DNAH17: variants seen among roughly 807,000 people sequenced by gnomAD.
The protein encoded by DNAH17 is dynein axonemal heavy chain 17.
Under a neutral mutation model 485.6 loss-of-function variants are expected in DNAH17, and 376 were observed. The observed-to-expected ratio is 0.77, with a 90% CI of 0.71 to 0.84. DNAH17 has a LOEUF of 0.84. DNAH17 is among the 40% of genes least tolerant of loss of function. The pLI is 0.00. For synonymous variants in DNAH17, 3,031 were observed against 2,405.9 expected (o/e 1.26, Z -7.60); for missense variants, 6,370 against 5,839.3 (o/e 1.09, Z -2.96).
chr17:78,479,361 C>T, intron 50 of DNAH17, 124 bp downstream of exon 50: 2 of 1,278,466 alleles, frequency 1.6e-6, no homozygotes, highest in Non-Finnish European at 2.1e-6. Context: ...AACATAGCAT[C>T]GTTTTTAAGA....
At chr17:78,429,959 G>T (rs2048754) in intron 75 of DNAH17, among the ~76,000 whole-genome samples, 3 of 152,020 alleles carry the variant, frequency 2.0e-5, no homozygotes, top group Admixed American at 1.3e-4. Flanking sequence ...TAGGCTGCCC[G>T]GGCCTTAGGG....
Position 78,532,700 on chromosome 17 carries a change from T to C in DNAH17, c.2896A>G (p.Arg966Gly). The C allele has an allele frequency of 6.3e-7, 1 of 1,593,234 alleles. No individual in the cohort carries two copies. Among genetic ancestry groups the C allele is most frequent in the African/African-American group, 1.3e-5 (1 of 74,646 alleles). ...LEDNTDLIEMREEVSSLVINA... is the reference protein window; with the variant it reads ...LEDNTDLIEMGEEVSSLVINA... The stretch of plus-strand genomic sequence containing the variant: ...ATGACCAGGCTGGACACCTCCTCCC[T>C]CATCTCTATGAGGTCTGTGTTATCT... The change falls in exon 20 of 81, where the codon AGG (arginine) becomes GGG (glycine). Residue 966 changes from arginine to glycine, a missense_variant. Transcript: ENST00000389840.
rs556614419 is a variant in DNAH17 at position 78,492,448 on chromosome 17, G to A, written c.6541+185C>T. 3.3e-5 allele frequency among the ~76,000 whole-genome samples: 5 copies of A among 152,188 alleles called. No individual in the cohort carries two copies. In the East Asian group the frequency reaches 5.8e-4, roughly 18 times the overall value. ...GCCCCCATTCCTTATCCCCCAGCCCGGGTGCTACGTGCCCACTGCTCCCCA... is the reference window on the plus strand; with the variant it reads ...GCCCCCATTCCTTATCCCCCAGCCCAGGTGCTACGTGCCCACTGCTCCCCA... On this transcript the variant is annotated intron_variant, in intron 42 of 80. Transcript: ENST00000389840.
At chr17:78,558,047 T>C in intron 14 of DNAH17, 61 bp downstream of exon 14, 1 of 1,538,752 alleles carries the variant, frequency 6.5e-7, no homozygotes, top group Non-Finnish European at 8.8e-7. Context: ...ACAAACAAAC[T>C]TGACAAAAAA....
At chr17:78,507,430 T>C (rs777679345) in intron 28 of DNAH17, 28 bp downstream of exon 28, 12 of 1,613,534 alleles carry the variant, frequency 7.4e-6, no homozygotes, top group Non-Finnish European at 1.0e-5. Flanking sequence ...ATTTCTGAAG[T>C]GCGTGGGAAC....
At chr17:78,467,350 T>A (rs1026074310) in intron 55 of DNAH17, among the ~76,000 whole-genome samples, 2 of 152,178 alleles carry the variant, frequency 1.3e-5, no homozygotes, top group African/African-American at 4.8e-5. Context: ...TTTCGTGGCA[T>A]AGGTGTTGCA....
At chr17:78,505,183 C>T (rs1468918788) in intron 31 of DNAH17, 110 bp downstream of exon 31, 3 of 1,431,148 alleles carry the variant, frequency 2.1e-6, no homozygotes, top group Non-Finnish European at 2.8e-6. Context: ...GGCGGGCTGG[C>T]AGCTGCACAG....
chr17:78,441,397 C>G (rs973250432), intron 71 of DNAH17, among the ~76,000 whole-genome samples, 198 bp from the exon 72 acceptor site: 1 of 152,110 alleles, frequency 6.6e-6, no homozygotes, highest in African/African-American at 2.4e-5. Context: ...CCTCGGGCAC[C>G]CTTTCTTTCC....
chr17:78,423,849 T>C lies in DNAH17; in HGVS notation c.*57A>G, dbSNP rs1158940834. The stretch of plus-strand genomic sequence containing the variant: ...AAAGAATAAGTCACAGGTGCACAGG[T>C]GAAGGGCTGAGTTGTGGTCCAGCCC... On this transcript the variant is annotated 3_prime_UTR_variant, in exon 81 of 81. Coordinates refer to ENST00000389840, the MANE Select transcript of DNAH17 (RefSeq NM_173628.4). 1.5e-5 allele frequency: 24 copies of C among 1,598,262 alleles called. No individual in the cohort carries two copies. Among genetic ancestry groups the C allele is most frequent in the Non-Finnish European group, 2.0e-5 (23 of 1,169,522 alleles).
intron 1 of DNAH17, 39 bp from the exon 2 acceptor site, chr17:78,575,121 G>C: frequency 7.3e-7 from 1 of 1,364,448 alleles, no homozygotes; most frequent in East Asian, 2.5e-5. Flanking sequence ...ACTGTCTCCC[G>C]GGCTCCCCAA....
At chr17:78,444,479 TG>T in intron 71 of DNAH17, 124 bp downstream of exon 71, 2 of 876,246 alleles carry the variant, frequency 2.3e-6, no homozygotes, top group Non-Finnish European at 3.3e-6. Flanking sequence ...CTGTGTAAAA[TG>T]GGGAGAAGAA....
chr17:78,526,639 G>A lies in DNAH17; in HGVS notation c.3711+12C>T, dbSNP rs771581014. The stretch of plus-strand genomic sequence containing the variant: ...AGACTTACCCCCTGATCTCACCCTT[G>A]AGCAAAAATACCTTATTCAGGGACT... On this transcript the variant is annotated intron_variant, in intron 24 of 80. Transcript: ENST00000389840. The A allele has an allele frequency of 6.3e-7, 1 of 1,589,430 alleles. No homozygotes were observed. The highest frequency in any genetic ancestry group is 1.1e-5 in the South Asian group (1 of 88,698).
At chr17:78,465,744 G>A (rs1182026193) in intron 56 of DNAH17, among the ~76,000 whole-genome samples, 14 of 149,858 alleles carry the variant, frequency 9.3e-5, no homozygotes, top group African/African-American at 2.5e-4. Flanking sequence ...CAGCCACCCC[G>A]TCCGGGAGGG....
At position 78,499,116 on chromosome 17, in the gene DNAH17, G is replaced by C. The variant is rs1216772605; in HGVS notation, c.5641-4C>G. ...CCTTGTAGATATTTCCACAGGACTG[G>C]AAAGGGCGAGATGGAGAAAGGAAGA... On this transcript the variant is annotated splice_region_variant and splice_polypyrimidine_tract_variant and intron_variant, in intron 36 of 80. Coordinates refer to ENST00000389840, the MANE Select transcript of DNAH17 (RefSeq NM_173628.4). The C allele has an allele frequency of 1.9e-6, 3 of 1,576,878 alleles. No homozygotes were observed. The highest frequency in any genetic ancestry group is 2.4e-5 in the East Asian group (1 of 42,536).
chr17:78,530,475 T>A lies in DNAH17; in HGVS notation c.3152A>T (p.Lys1051Met). Residue 1051 changes from lysine to methionine, a missense_variant, in exon 21 of 81, where the codon AAG becomes ATG. Transcript: ENST00000389840. The part of the protein sequence containing the change: ...SYEKLYEEVS[K>M]CENTKVFHGW... ...GTGGAACACCTTGGTGTTCTCGCAC[T>A]TGGACACCTCCTCATACAGCTTCTC... 2.5e-6 allele frequency: 4 copies of A among 1,612,934 alleles called. No individual in the cohort carries two copies. The highest frequency in any genetic ancestry group is 2.5e-6 in the Non-Finnish European group (3 of 1,179,252).
chr17:78,442,170 C>T (rs760653600), intron 71 of DNAH17, among the ~76,000 whole-genome samples: 5 of 152,170 alleles, frequency 3.3e-5, no homozygotes, highest in South Asian at 2.1e-4. Context: ...GAGAACTGCT[C>T]GTCCCTGGGC....
rs2090234014 is a variant in DNAH17, at chr17:78,500,313, C to T, written c.5632G>A (p.Asp1878Asn). ...GGACCCCGGCCGCGTACCTTGTAGT[C>T]CATCTGCTCGGAGCAGTTGAAGACG... The part of the protein sequence containing the change: ...VYVFNCSEQM[D>N]YKSCGNIYKG... The change falls in exon 36 of 81, where the codon GAC (aspartate) becomes AAC (asparagine). Residue 1878 changes from aspartate to asparagine, a missense_variant. Transcript: ENST00000389840. The T allele has an allele frequency of 1.2e-6, 2 of 1,611,546 alleles. No individual in the cohort carries two copies. Among genetic ancestry groups the T allele is most frequent in the Non-Finnish European group, 1.7e-6 (2 of 1,178,994 alleles).
chr17:78,546,853 C>T (rs547345920), intron 16 of DNAH17, among the ~76,000 whole-genome samples: 12 of 151,980 alleles, frequency 7.9e-5, no homozygotes, highest in Admixed American at 2.6e-4. Flanking sequence ...TGCAGCAAGC[C>T]GAGATTGTGC....
Position 78,501,824 on chromosome 17 carries a change from G to A in DNAH17, c.5240C>T (p.Ala1747Val). 6.2e-7 allele frequency: 1 copy of A among 1,614,014 alleles called. No individual in the cohort carries two copies. The highest frequency in any genetic ancestry group is 8.5e-7 in the Non-Finnish European group (1 of 1,179,892). The change falls in exon 34 of 81, where the codon GCT (alanine) becomes GTT (valine). Residue 1747 changes from alanine to valine, a missense_variant. Coordinates refer to ENST00000389840, the MANE Select transcript of DNAH17 (RefSeq NM_173628.4). ...GGTCATGATCTTCATCCTGTCGCCA[G>A]CGTTGAGGTTCCCCATGAGCAGCGT... ...LITLLMGNLN[A>V]GDRMKIMTIC... is the part of the protein sequence containing the mutation.
Sources: allele counts gnomAD v4.1 joint callset (sites outside exome capture counted in the v4.1 genomes callset), GRCh38; gene constraint gnomAD v4.1.1; transcripts MANE v1.5; gene names NCBI Gene and HGNC (gene_info 2026-07-23, HGNC 2026-07-21).